The following HEXB variants were observed in gnomAD, a reference collection of about 807,000 sequenced individuals.
HEXB encodes the protein hexosaminidase subunit beta, also known as beta-hexosaminidase subunit beta.
Under a neutral mutation model 71.2 loss-of-function variants are expected in HEXB, and 51 were observed. The observed-to-expected ratio is 0.72, with a 90% CI of 0.57 to 0.90. HEXB has a LOEUF of 0.90. Among genes scored for constraint, HEXB ranks in the 40% least tolerant of loss-of-function variants. The pLI is 0.00. For synonymous variants in HEXB, 266 were observed against 249.3 expected (o/e 1.07, Z -0.63); for missense variants, 617 against 677.0 (o/e 0.91, Z 0.98).
rs903609005 is a variant in HEXB, at chr5:74,705,424, A to T, written c.771+104A>T. The stretch of plus-strand genomic sequence containing the variant: ...TCTTATGGATAGAATCAAAGTGTAA[A>T]AATCAGATGTTTATGGTTTTTAATT... On this transcript the variant is annotated intron_variant, in intron 6 of 13. Transcript: ENST00000261416. 3.0e-5 allele frequency: 23 copies of T among 763,122 alleles called. No homozygotes were observed. The South Asian group carries it at 3.4e-4, about 11-fold the overall frequency. 47.3% of individuals were successfully genotyped at this position (763,122 alleles called of 1,614,324 possible). A position where few individuals can be genotyped will look rare whatever the true frequency, so the allele number is the denominator to read the frequency against.
intron 1 of HEXB, among the ~76,000 whole-genome samples, chr5:74,649,926 A>G (rs921763854): frequency 1.3e-5 from 2 of 152,240 alleles, no homozygotes; most frequent in African/African-American, 4.8e-5. Context: ...CCCAACTATG[A>G]TCAAATCCCA....
intron 1 of HEXB, among the ~76,000 whole-genome samples, chr5:74,650,494 A>G (rs1390001833): frequency 6.6e-6 from 1 of 152,214 alleles, no homozygotes; most frequent in African/African-American, 2.4e-5. Flanking sequence ...CAACTGTTTC[A>G]TGGCCCCCTC....
Position 74,697,067 on chromosome 5 carries a change from C to T in HEXB, c.630C>T (p.Ser210=), listed in dbSNP as rs1437692234. The T allele has an allele frequency of 6.4e-7, 1 of 1,553,950 alleles. No homozygotes were observed. Among genetic ancestry groups the T allele is most frequent in the East Asian group, 2.2e-5 (1 of 44,502 alleles). Reference sequence around the variant, plus strand: ...ACAGAGGAATTTTGATTGATACATCCAGACATTATCTGCCAGTTAAGATTA... The same window carrying T: ...ACAGAGGAATTTTGATTGATACATCTAGACATTATCTGCCAGTTAAGATTA... ...FSHRGILIDT[S]RHYLPVKIIL... is the part of the protein sequence containing the mutation. Residue 210 remains serine, a synonymous_variant, in exon 5 of 14, where the codon TCC becomes TCT. Coordinates refer to ENST00000261416, the MANE Select transcript of HEXB (RefSeq NM_000521.4).
intron 1 of HEXB, among the ~76,000 whole-genome samples, chr5:74,663,997 T>C (rs1249493283): frequency 6.6e-6 from 1 of 152,026 alleles, no homozygotes; most frequent in Non-Finnish European, 1.5e-5. Context: ...GGCACACGCC[T>C]CTAATCCCAG....
chr5:74,708,084 C>T (rs1348483791), intron 6 of HEXB, among the ~76,000 whole-genome samples: 19 of 151,788 alleles, frequency 1.3e-4, no homozygotes, highest in African/African-American at 3.9e-4. Flanking sequence ...AGACTAACAG[C>T]GGATCTCTCG....
chr5:74,702,113 C>T (rs1293690203), intron 5 of HEXB, among the ~76,000 whole-genome samples: 3 of 100,874 alleles, frequency 3.0e-5, no homozygotes, highest in Non-Finnish European at 5.3e-5. Flanking sequence ...GAGTCTCGCT[C>T]TGTCGCCCAG....
intron 1 of HEXB, among the ~76,000 whole-genome samples, chr5:74,673,996 A>G (rs1459541242): frequency 6.6e-6 from 1 of 152,198 alleles, no homozygotes; most frequent in African/African-American, 2.4e-5. Context: ...AAGTGTGAGG[A>G]TGAACCACCC....
chr5:74,644,764 CTT>C (rs3058406), intron 1 of HEXB, among the ~76,000 whole-genome samples: 11 of 72,950 alleles, frequency 1.5e-4, no homozygotes, highest in Admixed American at 4.9e-4. Flanking sequence ...CTTTTTTTTC[CTT>C]TTTTTTTTTT....
chr5:74,670,978 G>T lies in HEXB; in HGVS notation c.-376-18350G>T, dbSNP rs534082070. 5.9e-5 allele frequency among the ~76,000 whole-genome samples: 9 copies of T among 152,306 alleles called. No homozygotes were observed. In the East Asian group the frequency reaches 1.5e-3, roughly 26 times the overall value. On this transcript the variant is annotated intron_variant, in intron 1 of 13. Coordinates refer to the HEXB transcript ENST00000511181. ...CAGCCCAGGAGGCCAAGTGGACAGAGCATCTCTGCAGCAATCCCAGGTCCC... is the reference window on the plus strand; with the variant it reads ...CAGCCCAGGAGGCCAAGTGGACAGATCATCTCTGCAGCAATCCCAGGTCCC...
chr5:74,712,462 A>G (rs978066135), intron 6 of HEXB, among the ~76,000 whole-genome samples: 1 of 151,940 alleles, frequency 6.6e-6, no homozygotes, highest in Non-Finnish European at 1.5e-5. Flanking sequence ...TTTAAATTTT[A>G]AAAAAAAATT....
intron 1 of HEXB, among the ~76,000 whole-genome samples, chr5:74,663,331 C>G (rs918459768): frequency 7.9e-5 from 12 of 151,894 alleles, no homozygotes; most frequent in Non-Finnish European, 4.4e-5. Flanking sequence ...GCTGGGAGTA[C>G]AGGCGCCCGC....
intron 6 of HEXB, among the ~76,000 whole-genome samples, chr5:74,711,348 G>A (rs1167860674): frequency 6.8e-6 from 1 of 147,994 alleles, no homozygotes; most frequent in Non-Finnish European, 1.5e-5. Flanking sequence ...GAAAACCTAG[G>A]CATTACCATT....
intron 1 of HEXB, among the ~76,000 whole-genome samples, chr5:74,651,278 T>C (rs1053276731): frequency 1.3e-4 from 20 of 152,238 alleles, no homozygotes; most frequent in African/African-American, 4.6e-4. Flanking sequence ...TGGCCTCCAT[T>C]AGACTACCTC....
At chr5:74,718,216 G>T (rs1579954068) in intron 9 of HEXB, 75 bp from the exon 10 acceptor site, 1 of 1,032,340 alleles carries the variant, frequency 9.7e-7, no homozygotes, top group East Asian at 2.5e-5. Context: ...GAAATCCTTG[G>T]TAGAAAATGT....
chr5:74,642,184 T>C (rs983825635), intron 1 of HEXB, among the ~76,000 whole-genome samples: 5 of 152,242 alleles, frequency 3.3e-5, no homozygotes, highest in Non-Finnish European at 4.4e-5. Flanking sequence ...ATTTCGCTCC[T>C]TGCAAACAAA....
At chr5:74,675,282 A>G (rs820840) in intron 1 of HEXB, among the ~76,000 whole-genome samples, 77,684 of 151,976 alleles carry the variant, frequency 0.51, 20,953 homozygotes, top group East Asian at 0.65. Context: ...AAATATCAAC[A>G]GTGGGGGATT....
At chr5:74,719,286 A>G (rs1240380963) in intron 11 of HEXB, among the ~76,000 whole-genome samples, 2 of 152,144 alleles carry the variant, frequency 1.3e-5, no homozygotes, top group Non-Finnish European at 2.9e-5. Flanking sequence ...TTCTAAAGGT[A>G]TTTGATTGCA....
chr5:74,666,781 T>C (rs371109520), intron 1 of HEXB, among the ~76,000 whole-genome samples: 3 of 152,236 alleles, frequency 2.0e-5, no homozygotes, highest in Middle Eastern at 3.4e-3. Flanking sequence ...GAACCTTTTC[T>C]AGCTTCACTC....
chr5:74,697,139 A>G (rs1749131827), intron 5 of HEXB, 33 bp downstream of exon 5: 3 of 973,706 alleles, frequency 3.1e-6, no homozygotes, highest in South Asian at 2.6e-5. Context: ...TCTGTTGTCT[A>G]TTCTGAAGAT....
Sources: allele counts gnomAD v4.1 joint callset (sites outside exome capture counted in the v4.1 genomes callset), GRCh38; gene constraint gnomAD v4.1.1; transcripts MANE v1.5; gene names NCBI Gene and HGNC (gene_info 2026-07-23, HGNC 2026-07-21).